IRAK3: variants seen among roughly 807,000 people sequenced by gnomAD.
IRAK3 encodes interleukin 1 receptor associated kinase 3, also known as interleukin-1 receptor-associated kinase 3.
A neutral mutation model predicts 56.6 loss-of-function variants in IRAK3; 57 were observed. The ratio of observed to expected loss-of-function variants is 1.01; its 90% CI spans 0.81 to 1.26. IRAK3 has a LOEUF of 1.26. IRAK3 is among the 50% of genes most tolerant of loss of function. The pLI is 0.00. For missense variants in IRAK3, 703 were observed against 719.0 expected (o/e 0.98, Z 0.25); for synonymous variants, 258 against 255.7 (o/e 1.01, Z -0.09).
chr12:66,234,201 C>T, intron 8 of IRAK3: 1 of 1,614,114 alleles, frequency 6.2e-7, no homozygotes, highest in Non-Finnish European at 8.5e-7. Context: ...GGCAAGTAGG[C>T]TCCTTGCATA....
rs531520828 is a variant in IRAK3, at chr12:66,250,180, A to C, written c.*2009A>C. 3.9e-5 allele frequency: 6 copies of C among 152,374 alleles called. No homozygotes were observed. In the South Asian group the frequency reaches 1.2e-3, roughly 32 times the overall value. The allele number at this position is 152,374 out of a possible 1,614,324, so 9.4% of individuals were successfully genotyped here. On this transcript the variant is annotated 3_prime_UTR_variant, in exon 12 of 12. Transcript: ENST00000261233. ...GATGATGGATAGAAACACTGAAGAA[A>C]ACCATTTTCAGAGGATTTACTGAAT... is the stretch of plus-strand genomic sequence containing the variant.
chr12:66,215,831 T>TACAC, intron 5 of IRAK3, among the ~76,000 whole-genome samples: 1 of 115,552 alleles, frequency 8.7e-6, no homozygotes, highest in South Asian at 2.7e-4. Context: ...CACACACACT[T>TACAC]ATCAGGAAAA....
intron 11 of IRAK3, 110 bp from the exon 12 acceptor site, chr12:66,247,585 G>C (rs930474229): frequency 2.5e-5 from 19 of 761,000 alleles, no homozygotes; most frequent in Middle Eastern, 3.7e-4. Flanking sequence ...TTCTATAGCT[G>C]AACTAATTTC....
At chr12:66,236,052 T>G (rs879468455) in intron 8 of IRAK3, among the ~76,000 whole-genome samples, 1 of 152,220 alleles carries the variant, frequency 6.6e-6, no homozygotes, top group Non-Finnish European at 1.5e-5. Flanking sequence ...ATTAATTTTA[T>G]CAGTAAAGAA....
intron 5 of IRAK3, among the ~76,000 whole-genome samples, chr12:66,215,880 G>A (rs1487173590): frequency 1.3e-5 from 2 of 151,038 alleles, no homozygotes; most frequent in African/African-American, 4.9e-5. Flanking sequence ...ACAGAACATT[G>A]TTAAAGAAAT....
At chr12:66,221,796 A>T (rs2052736336) in intron 6 of IRAK3, among the ~76,000 whole-genome samples, 1 of 152,162 alleles carries the variant, frequency 6.6e-6, no homozygotes, top group South Asian at 2.1e-4. Context: ...TTGGGAGACC[A>T]GGAAGGTGGG....
At chr12:66,232,297 G>A (rs1490648854) in intron 8 of IRAK3, among the ~76,000 whole-genome samples, 1 of 152,164 alleles carries the variant, frequency 6.6e-6, no homozygotes, top group Non-Finnish European at 1.5e-5. Flanking sequence ...ATGGCTGTGG[G>A]CATTTGTTTG....
At position 66,253,288 on chromosome 12, in the gene IRAK3, C is replaced by T. The variant is rs2053118711; in HGVS notation, c.*5117C>T. Reference sequence around the variant, plus strand: ...TTTTAAATACTAATATCTGAGATATCTTCGAAAAGAAGATTAGTCGTTGTA... The same window carrying T: ...TTTTAAATACTAATATCTGAGATATTTTCGAAAAGAAGATTAGTCGTTGTA... On this transcript the variant is annotated 3_prime_UTR_variant, in exon 12 of 12. Coordinates refer to ENST00000261233, the MANE Select transcript of IRAK3 (RefSeq NM_007199.3). 1.3e-5 allele frequency: 2 copies of T among 152,154 alleles called. No homozygotes were observed. The highest frequency in any genetic ancestry group is 2.4e-5 in the African/African-American group (1 of 41,436). The allele number at this position is 152,154 out of a possible 1,614,324, so 9.4% of individuals were successfully genotyped here. A position where few individuals can be genotyped will look rare whatever the true frequency, so the allele number is the denominator to read the frequency against.
chr12:66,205,093 C>G (rs755084451), intron 2 of IRAK3, among the ~76,000 whole-genome samples: 20 of 152,336 alleles, frequency 1.3e-4, no homozygotes, highest in South Asian at 6.2e-4. Context: ...CCTTTCCCAG[C>G]CACTGAAACC....
intron 8 of IRAK3, among the ~76,000 whole-genome samples, chr12:66,239,869 A>G (rs1337820508): frequency 2.6e-5 from 4 of 152,216 alleles, no homozygotes; most frequent in South Asian, 2.1e-4. Context: ...TGCACGGTAC[A>G]TGCCAGTTTT....
At chr12:66,205,658 C>T (rs906101103) in intron 2 of IRAK3, among the ~76,000 whole-genome samples, 11 of 152,124 alleles carry the variant, frequency 7.2e-5, no homozygotes, top group South Asian at 2.1e-4. Flanking sequence ...ATGCTGCCAC[C>T]GTGGACAGAT....
chr12:66,228,420 C>A, intron 8 of IRAK3, 50 bp downstream of exon 8: 1 of 1,193,074 alleles, frequency 8.4e-7, no homozygotes, highest in Non-Finnish European at 1.3e-6. Flanking sequence ...CTTTTATCCT[C>A]ACATGTGAGT....
intron 5 of IRAK3, among the ~76,000 whole-genome samples, chr12:66,215,477 C>T (rs1374248068): frequency 6.6e-6 from 1 of 152,154 alleles, no homozygotes; most frequent in Non-Finnish European, 1.5e-5. Flanking sequence ...ATTCACCCAC[C>T]TCTCTCAAAG....
At chr12:66,235,213 A>G (rs1301797390) in intron 8 of IRAK3, 1 of 1,612,244 alleles carries the variant, frequency 6.2e-7, no homozygotes, top group Non-Finnish European at 8.5e-7. Flanking sequence ...CTGGGACCAG[A>G]GACTGCTGCT....
intron 6 of IRAK3, among the ~76,000 whole-genome samples, chr12:66,219,919 G>A (rs974265783): frequency 2.0e-5 from 3 of 152,104 alleles, no homozygotes; most frequent in Non-Finnish European, 4.4e-5. Flanking sequence ...CTATTGAATT[G>A]TATGAGTTCC....
intron 8 of IRAK3, among the ~76,000 whole-genome samples, chr12:66,235,588 C>T (rs2052899297): frequency 6.6e-6 from 1 of 151,974 alleles, no homozygotes; most frequent in East Asian, 1.9e-4. Flanking sequence ...CCGACTCTCC[C>T]GGCGGCAGCG....
At chr12:66,224,836 T>A (rs1297855071) in intron 6 of IRAK3, among the ~76,000 whole-genome samples, 2 of 152,204 alleles carry the variant, frequency 1.3e-5, no homozygotes, top group African/African-American at 2.4e-5. Flanking sequence ...GGGGTCTGCA[T>A]CATTTTGTCT....
chr12:66,207,949 C>T (rs1311525757), intron 2 of IRAK3, among the ~76,000 whole-genome samples: 1 of 152,018 alleles, frequency 6.6e-6, no homozygotes. Flanking sequence ...AAGGTCAGGT[C>T]TGTTCTGGAA....
chr12:66,192,485 T>G (rs2052408629), intron 1 of IRAK3, among the ~76,000 whole-genome samples: 1 of 152,152 alleles, frequency 6.6e-6, no homozygotes, highest in East Asian at 1.9e-4. Context: ...AGATTGGTAT[T>G]TAAATTAAAT....
Sources: allele counts gnomAD v4.1 joint callset (sites outside exome capture counted in the v4.1 genomes callset), GRCh38; gene constraint gnomAD v4.1.1; transcripts MANE v1.5; gene names NCBI Gene and HGNC (gene_info 2026-07-23, HGNC 2026-07-21).